RIN2: variants seen among roughly 807,000 people sequenced by gnomAD.
RIN2 encodes the protein RAB5 interacting protein 2.
RIN2 carries 36 observed loss-of-function variants against 78.0 expected under a neutral mutation model. That is an observed-to-expected ratio of 0.46 (90% CI 0.35 to 0.61). RIN2 has a LOEUF of 0.61. Ranked by LOEUF, RIN2 falls within the 20% of genes least tolerant of loss-of-function variation. The probability of loss-of-function intolerance (pLI) is 0.00; values close to 1 mark genes in which losing one functional copy is unlikely to be tolerated. For synonymous variants in RIN2, 466 were observed against 466.8 expected (o/e 1.00, Z 0.02); for missense variants, 1,087 against 1,159.7 (o/e 0.94, Z 0.91).
chr20:19,955,751 G>A (rs199557), intron 4 of RIN2, among the ~76,000 whole-genome samples: 37,285 of 152,082 alleles, frequency 0.25, 4,927 homozygotes, highest in East Asian at 0.49. Flanking sequence ...TCCTCTGTGA[G>A]GTTTTATTAT....
intron 3 of RIN2, among the ~76,000 whole-genome samples, chr20:19,910,252 C>T (rs2039403252): frequency 6.6e-6 from 1 of 150,928 alleles, no homozygotes; most frequent in South Asian, 2.1e-4. Context: ...TCTTGGCTCA[C>T]TGCAACCTCT....
At chr20:19,936,468 A>G (rs2040649248) in intron 4 of RIN2, among the ~76,000 whole-genome samples, 1 of 152,332 alleles carries the variant, frequency 6.6e-6, no homozygotes, top group South Asian at 2.1e-4. Flanking sequence ...GTCTAGGCTG[A>G]TAACAACAGA....
chr20:19,967,021 A>AG, intron 7 of RIN2, among the ~76,000 whole-genome samples: 1 of 152,228 alleles, frequency 6.6e-6, no homozygotes, highest in African/African-American at 2.4e-5. Context: ...CACGTTGGCC[A>AG]GGGGTGAAGC....
chr20:19,996,296 A>G (rs1333772829), intron 11 of RIN2, among the ~76,000 whole-genome samples: 1 of 152,114 alleles, frequency 6.6e-6, no homozygotes, highest in Non-Finnish European at 1.5e-5. Context: ...CCTGGGTGAC[A>G]AAGCAAGACG....
chr20:19,847,360 T>G (rs963793694), intron 2 of RIN2, among the ~76,000 whole-genome samples: 2 of 152,230 alleles, frequency 1.3e-5, no homozygotes, highest in Non-Finnish European at 2.9e-5. Flanking sequence ...TGAGATATGT[T>G]ACTACTAAGT....
intron 2 of RIN2, among the ~76,000 whole-genome samples, chr20:19,841,679 CAG>C (rs1454070807): frequency 6.6e-6 from 1 of 152,180 alleles, no homozygotes; most frequent in Non-Finnish European, 1.5e-5. Context: ...TAAGGATGCA[CAG>C]GGCTAGGCTG....
At chr20:19,931,672 A>C (rs1475448780) in intron 3 of RIN2, among the ~76,000 whole-genome samples, 1 of 148,918 alleles carries the variant, frequency 6.7e-6, no homozygotes, top group Non-Finnish European at 1.5e-5. Context: ...GCATGGTTTT[A>C]AACTTCACAT....
At chr20:19,983,777 A>C (rs530751858) in intron 9 of RIN2, among the ~76,000 whole-genome samples, 1 of 152,332 alleles carries the variant, frequency 6.6e-6, no homozygotes, top group South Asian at 2.1e-4. Flanking sequence ...CATCACCTGA[A>C]TAATGAACAT....
At chr20:19,800,317 C>T (rs1197875559) in intron 2 of RIN2, among the ~76,000 whole-genome samples, 1 of 152,132 alleles carries the variant, frequency 6.6e-6, no homozygotes, top group Admixed American at 6.5e-5. Context: ...GCCACTATGG[C>T]AGATCATATT....
intron 2 of RIN2, among the ~76,000 whole-genome samples, chr20:19,846,346 C>A (rs529928073): frequency 1.2e-3 from 189 of 152,274 alleles, no homozygotes; most frequent in African/African-American, 4.0e-3. Flanking sequence ...GATATTGATT[C>A]TTCCTATCCA....
chr20:19,834,270 C>T (rs1450066347), intron 2 of RIN2, among the ~76,000 whole-genome samples: 2 of 152,198 alleles, frequency 1.3e-5, no homozygotes, highest in African/African-American at 4.8e-5. Flanking sequence ...CACATCCCCT[C>T]ATTCAGCTTT....
intron 1 of RIN2, among the ~76,000 whole-genome samples, chr20:19,793,366 C>G (rs56121124): frequency 6.6e-6 from 1 of 152,088 alleles, no homozygotes; most frequent in Non-Finnish European, 1.5e-5. Context: ...ACACAGGGCC[C>G]GTGGCTGCTA....
Position 19,935,213 on chromosome 20 carries a change from C to A in RIN2, c.158+14C>A. The A allele has an allele frequency of 6.3e-7, 1 of 1,581,892 alleles. No homozygotes were observed. The highest frequency in any genetic ancestry group is 2.3e-5 in the East Asian group (1 of 43,266). On this transcript the variant is annotated intron_variant, in intron 4 of 12. Transcript: ENST00000255006. ...TGAAACCCACAGGTGACCAGAGACA[C>A]GGTTAGGTGATGGGTGCGAGAAAGG... is the stretch of plus-strand genomic sequence containing the variant.
chr20:19,934,834 C>G (rs373140382), intron 3 of RIN2, among the ~76,000 whole-genome samples: 7 of 151,932 alleles, frequency 4.6e-5, no homozygotes, highest in Non-Finnish European at 7.4e-5. Context: ...AATACTGAAA[C>G]CTAACAAACT....
chr20:19,869,448 C>A (rs992452955), intron 2 of RIN2, among the ~76,000 whole-genome samples: 2 of 152,098 alleles, frequency 1.3e-5, no homozygotes, highest in African/African-American at 4.8e-5. Flanking sequence ...TAGCACTGAC[C>A]CCAGGGAAGG....
intron 2 of RIN2, among the ~76,000 whole-genome samples, chr20:19,819,508 TTTGTG>T (rs1398913077): frequency 1.3e-5 from 2 of 152,202 alleles, no homozygotes; most frequent in African/African-American, 4.8e-5. Flanking sequence ...TTGATACACT[TTTGTG>T]TTGTTTTAAT....
At position 19,975,933 on chromosome 20, in the gene RIN2, C is replaced by A; in HGVS notation, c.1762+146C>A. 1.2e-6 allele frequency: 1 copy of A among 833,154 alleles called. No individual in the cohort carries two copies. The highest frequency in any genetic ancestry group is 1.9e-6 in the Non-Finnish European group (1 of 514,410). The allele number at this position is 833,154 out of a possible 1,614,324, so 51.6% of individuals were successfully genotyped here. On this transcript the variant is annotated intron_variant, in intron 9 of 12. Transcript: ENST00000255006. This position sits in a 1 kb window ranked among gnomAD's most constrained non-coding sequence, Gnocchi z 4.9. ...TCTCTCCCGGTTTGAATGGAAAAAT[C>A]AGTTTCTCAAAGTAGCTGCTGACTG...
intron 3 of RIN2, among the ~76,000 whole-genome samples, chr20:19,922,781 C>T (rs1008743089): frequency 6.6e-5 from 10 of 152,158 alleles, no homozygotes; most frequent in Non-Finnish European, 1.0e-4. Context: ...GACCAGTGTC[C>T]CCAGCAGATA....
intron 1 of RIN2, among the ~76,000 whole-genome samples, chr20:19,780,158 T>C (rs991539665): frequency 6.6e-6 from 1 of 152,234 alleles, no homozygotes; most frequent in Non-Finnish European, 1.5e-5. Context: ...GAATTGTTAA[T>C]GTGGGAGATA....
Sources: gnomAD v4.1 joint callset for allele counts (sites outside exome capture counted in the v4.1 genomes callset) on GRCh38, gnomAD v4.1.1 for gene constraint, Gnocchi (gnomAD v3.1) non-coding constraint, MANE v1.5 for transcripts, NCBI Gene and HGNC (gene_info 2026-07-23, HGNC 2026-07-21) for gene names.